The following KIAA1217 variants were observed in gnomAD, a reference collection of about 807,000 sequenced individuals.
KIAA1217 encodes KIAA1217, also known as sickle tail protein homolog.
A neutral mutation model predicts 163.9 loss-of-function variants in KIAA1217; 88 were observed. That is an observed-to-expected ratio of 0.54 (90% confidence interval 0.45 to 0.64). KIAA1217 has a LOEUF of 0.64. Ranked by LOEUF, KIAA1217 falls within the 30% of genes least tolerant of loss-of-function variation. The pLI is 0.00. For missense variants in KIAA1217, 2,372 were observed against 2,475.0 expected (o/e 0.96, Z 0.88); for synonymous variants, 903 against 923.1 (o/e 0.98, Z 0.39).
rs2063749283 is a variant in KIAA1217 at position 24,473,692 on chromosome 10, C to T, written c.1311C>T (p.Asn437=). The part of the protein sequence containing the change: ...TAIRSASAYC[N]PSMQAEMHME... ...TCCGGTCAGCGAGTGCTTATTGTAA[C>T]CCCTCAATGCAAGCGGAAATGCATA... is the stretch of plus-strand genomic sequence containing the variant. Residue 437 remains asparagine (N), a synonymous_variant, in exon 6 of 21, where the codon AAC becomes AAT. Coordinates refer to ENST00000376454, the MANE Select transcript of KIAA1217 (RefSeq NM_019590.5). 1 of 1,614,052 alleles carries T rather than the reference C, an allele frequency of 6.2e-7. No individual in the cohort carries two copies. The highest frequency in any genetic ancestry group is 8.5e-7 in the Non-Finnish European group (1 of 1,180,002).
intron 1 of KIAA1217, among the ~76,000 whole-genome samples, chr10:23,879,010 A>G (rs1840831180): frequency 6.6e-6 from 1 of 152,056 alleles, no homozygotes; most frequent in Middle Eastern, 3.4e-3. Flanking sequence ...AGTTTGAAGT[A>G]TTTATTAGAC....
At chr10:24,538,685 G>C (rs906849399) in intron 17 of KIAA1217, among the ~76,000 whole-genome samples, 30 of 149,726 alleles carry the variant, frequency 2.0e-4, no homozygotes, top group Admixed American at 4.7e-4. Flanking sequence ...AATTTGAACT[G>C]AACCCATGAA....
intron 1 of KIAA1217, among the ~76,000 whole-genome samples, chr10:23,997,558 G>A (rs1021023081): frequency 1.3e-4 from 20 of 152,128 alleles, no homozygotes; most frequent in African/African-American, 4.6e-4. Context: ...ATAGGAAGAC[G>A]CTCAGGCTGG....
At chr10:23,790,518 T>TATATACATATATACATATAC (rs1363253823) in intron 1 of KIAA1217, among the ~76,000 whole-genome samples, 1 of 110,806 alleles carries the variant, frequency 9.0e-6, no homozygotes, top group African/African-American at 4.5e-5. Flanking sequence ...TACATATGTA[T>TATATACATATATACATATAC]ATATACATAT....
intron 1 of KIAA1217, among the ~76,000 whole-genome samples, chr10:23,930,676 A>G (rs1227701310): frequency 6.6e-6 from 1 of 152,242 alleles, no homozygotes; most frequent in Non-Finnish European, 1.5e-5. Flanking sequence ...GAGTCAGTGA[A>G]ATAGACTTTT....
At chr10:24,036,957 G>A (rs1406389613) in intron 2 of KIAA1217, among the ~76,000 whole-genome samples, 1 of 152,154 alleles carries the variant, frequency 6.6e-6, no homozygotes, top group African/African-American at 2.4e-5. Flanking sequence ...TAGGCCAAAG[G>A]ATGATCAGGC....
rs182618282 is a variant in KIAA1217 at position 23,795,755 on chromosome 10, C to T, written c.-321+100521C>T. Among the ~76,000 whole-genome samples the T allele has an allele frequency of 7.0e-4, 107 of 152,280 alleles. 2 individuals carry two copies. Among genetic ancestry groups the T allele is most frequent in the Admixed American group, 3.5e-3 (53 of 15,300 alleles). On this transcript the variant is annotated intron_variant, in intron 1 of 18. Transcript: ENST00000376462. ...AAAACAAAGAGTGGTAGTCAGAGTT[C>T]AGTCCATAGTTCCCCCTTTTCTGAG... is the stretch of plus-strand genomic sequence containing the variant.
chr10:23,812,625 C>G (rs947363536), intron 1 of KIAA1217, among the ~76,000 whole-genome samples: 1 of 152,124 alleles, frequency 6.6e-6, no homozygotes, highest in African/African-American at 2.4e-5. Context: ...CACCATCAAT[C>G]TTAGAACATT....
chr10:24,452,463 G>C (rs1439155059), intron 5 of KIAA1217, among the ~76,000 whole-genome samples: 2 of 151,522 alleles, frequency 1.3e-5, no homozygotes, highest in African/African-American at 4.9e-5. Context: ...CATGAGGTCA[G>C]GAGATCAAGA....
chr10:24,364,648 C>A (rs150543678), intron 2 of KIAA1217, among the ~76,000 whole-genome samples: 2 of 152,106 alleles, frequency 1.3e-5, no homozygotes, highest in Non-Finnish European at 2.9e-5. Flanking sequence ...TCTAGGTTTC[C>A]GTGACCTTAG....
At chr10:23,899,349 C>A (rs1841855229) in intron 1 of KIAA1217, among the ~76,000 whole-genome samples, 1 of 152,034 alleles carries the variant, frequency 6.6e-6, no homozygotes, top group African/African-American at 2.4e-5. Flanking sequence ...ATTTTTAATG[C>A]CTGCCAATCT....
chr10:23,926,972 A>T (rs1051261847), intron 1 of KIAA1217, among the ~76,000 whole-genome samples: 4 of 151,886 alleles, frequency 2.6e-5, no homozygotes, highest in African/African-American at 7.3e-5. Flanking sequence ...CAGTCACGTG[A>T]TCTGGGCTCA....
chr10:23,700,431 C>G (rs976392729), intron 1 of KIAA1217, among the ~76,000 whole-genome samples: 4 of 152,040 alleles, frequency 2.6e-5, no homozygotes, highest in African/African-American at 9.7e-5. Flanking sequence ...CACAGCAATA[C>G]TACTAACACA....
At chr10:24,144,779 C>G (rs1479749589) in intron 2 of KIAA1217, among the ~76,000 whole-genome samples, 1 of 152,072 alleles carries the variant, frequency 6.6e-6, no homozygotes, top group Non-Finnish European at 1.5e-5. Flanking sequence ...GGTGTTCTAC[C>G]CTGGCTTCTT....
At chr10:24,481,923 T>C (rs1042169010) in intron 6 of KIAA1217, 1 of 152,194 alleles carries the variant, frequency 6.6e-6, no homozygotes, top group Non-Finnish European at 1.5e-5. Flanking sequence ...ACTTTTACCA[T>C]CATGGTACCT....
At chr10:23,886,701 C>A (rs1041805473) in intron 1 of KIAA1217, among the ~76,000 whole-genome samples, 2 of 152,082 alleles carry the variant, frequency 1.3e-5, no homozygotes, top group East Asian at 3.9e-4. Context: ...AAGACATCTT[C>A]TGTTATTAGC....
rs1037929983 is a variant in KIAA1217 at position 24,087,959 on chromosome 10, A to G, written c.-171+80585A>G. Among the ~76,000 whole-genome samples, 42 of 74,336 alleles carry G rather than the reference A, an allele frequency of 5.7e-4. 13 individuals are homozygous for G. Among genetic ancestry groups the G allele is most frequent in the Non-Finnish European group, 1.9e-3 (38 of 19,790 alleles). The allele number at this position is 74,336 out of a possible 152,430, so 48.8% of individuals were successfully genotyped here. On this transcript the variant is annotated intron_variant, in intron 2 of 18. Coordinates refer to the KIAA1217 transcript ENST00000376462. Reference sequence around the variant, plus strand: ...TGATGAAAAGTAAATAGAGCAGGGCATCTACCAGATTCCCAAACCAAGTTA... The same window carrying G: ...TGATGAAAAGTAAATAGAGCAGGGCGTCTACCAGATTCCCAAACCAAGTTA...
intron 2 of KIAA1217, among the ~76,000 whole-genome samples, chr10:24,202,870 A>T (rs141119478): frequency 1.3e-5 from 2 of 152,296 alleles, no homozygotes; most frequent in African/African-American, 4.8e-5. Flanking sequence ...CCAATTCTAT[A>T]GTTGAAAGAA....
At chr10:24,339,833 T>G (rs1198587042) in intron 2 of KIAA1217, among the ~76,000 whole-genome samples, 4 of 152,194 alleles carry the variant, frequency 2.6e-5, no homozygotes, top group Non-Finnish European at 5.9e-5. Context: ...AATGAAGAAC[T>G]TTAGTGTCCC....
Sources: gnomAD v4.1 joint callset for allele counts (sites outside exome capture counted in the v4.1 genomes callset) on GRCh38, gnomAD v4.1.1 for gene constraint, MANE v1.5 for transcripts, NCBI Gene and HGNC (gene_info 2026-07-23, HGNC 2026-07-21) for gene names.